SLIT2: variants seen among roughly 807,000 people sequenced by gnomAD.
SLIT2 encodes the protein slit homolog 2 protein.
In SLIT2, 41 loss-of-function variants were observed where a neutral mutation model predicts 185.7. The ratio of observed to expected loss-of-function variants is 0.22; its 90% CI spans 0.17 to 0.29. The LOEUF (loss-of-function observed/expected upper bound fraction) is 0.29, where lower values mean the gene tolerates loss of function less well. Ranked by LOEUF, SLIT2 falls within the 10% of genes least tolerant of loss-of-function variation. The pLI is 1.00. For synonymous variants in SLIT2, 693 were observed against 680.2 expected (o/e 1.02, Z -0.29); for missense variants, 1,571 against 1,909.0 (o/e 0.82, Z 3.30).
chr4:20,309,142 CTGT>C (rs1311013873), intron 4 of SLIT2, among the ~76,000 whole-genome samples: 1 of 151,920 alleles, frequency 6.6e-6, no homozygotes, highest in Non-Finnish European at 1.5e-5. Flanking sequence ...GATACTGTTC[CTGT>C]TGTTGAAATA....
At chr4:20,514,088 A>C (rs1719984574) in intron 11 of SLIT2, among the ~76,000 whole-genome samples, 1 of 152,152 alleles carries the variant, frequency 6.6e-6, no homozygotes, top group Admixed American at 6.5e-5. Flanking sequence ...CAGGAGTTAA[A>C]ATCTTCCAGA....
intron 11 of SLIT2, among the ~76,000 whole-genome samples, chr4:20,518,083 G>GTATATATATATATACA (rs533312464): frequency 7.5e-6 from 1 of 132,700 alleles, no homozygotes; most frequent in East Asian, 2.2e-4. Flanking sequence ...ATATGTGTGT[G>GTATATATATATATACA]TATATATATA....
At chr4:20,443,732 A>G (rs991938144) in intron 4 of SLIT2, among the ~76,000 whole-genome samples, 3 of 152,120 alleles carry the variant, frequency 2.0e-5, no homozygotes, top group Non-Finnish European at 2.9e-5. Flanking sequence ...ATTATCCTGG[A>G]ATGTTTGAGC....
chr4:20,505,054 C>T lies in SLIT2; in HGVS notation c.915-5441C>T, dbSNP rs1246721427. Among the ~76,000 whole-genome samples the T allele has an allele frequency of 2.6e-5, 4 of 151,946 alleles. No individual in the cohort carries two copies. The East Asian group carries it at 7.7e-4, about 29-fold the overall frequency. ...GGGAGTCTACCATATATGCTGTAGACTTTTTATTATTTAATATATTGTGCT... is the reference window on the plus strand; with the variant it reads ...GGGAGTCTACCATATATGCTGTAGATTTTTTATTATTTAATATATTGTGCT... On this transcript the variant is annotated intron_variant, in intron 9 of 36. Coordinates refer to ENST00000504154, the MANE Select transcript of SLIT2 (RefSeq NM_004787.4).
chr4:20,261,078 C>CA (rs1712418567), intron 3 of SLIT2, among the ~76,000 whole-genome samples: 1 of 151,824 alleles, frequency 6.6e-6, no homozygotes, highest in Non-Finnish European at 1.5e-5. Flanking sequence ...TCTGTTTTGA[C>CA]AGTTTGTTTC....
At chr4:20,553,771 A>ATG (rs1723995721) in intron 25 of SLIT2, 34 bp from the exon 26 acceptor site, 2 of 1,496,304 alleles carry the variant, frequency 1.3e-6, no homozygotes, top group East Asian at 4.7e-5. Context: ...GTGTGTGTGT[A>ATG]TGTGTGTGTG....
At chr4:20,373,448 C>G (rs1238951193) in intron 4 of SLIT2, among the ~76,000 whole-genome samples, 2 of 151,930 alleles carry the variant, frequency 1.3e-5, no homozygotes, top group Non-Finnish European at 2.9e-5. Flanking sequence ...ACAAGTTTAA[C>G]TCATAAGTTT....
intron 4 of SLIT2, among the ~76,000 whole-genome samples, chr4:20,435,949 T>A (rs1269254690): frequency 6.6e-6 from 1 of 152,102 alleles, no homozygotes; most frequent in Non-Finnish European, 1.5e-5. Flanking sequence ...AATTAAAGAG[T>A]TGAATACAAG....
At chr4:20,443,057 A>G (rs1020355061) in intron 4 of SLIT2, among the ~76,000 whole-genome samples, 5 of 152,200 alleles carry the variant, frequency 3.3e-5, no homozygotes, top group Admixed American at 2.6e-4. Context: ...CTCATAGGTC[A>G]TATCATGCCT....
intron 4 of SLIT2, among the ~76,000 whole-genome samples, chr4:20,387,918 C>A (rs1725057997): frequency 1.3e-5 from 2 of 152,030 alleles, no homozygotes. Flanking sequence ...TTGTTTTAAG[C>A]CACTTCTACC....
chr4:20,514,312 TG>T (rs1389046766), intron 11 of SLIT2, among the ~76,000 whole-genome samples: 1 of 152,182 alleles, frequency 6.6e-6, no homozygotes, highest in Non-Finnish European at 1.5e-5. Context: ...AAAGGTGATA[TG>T]ATGCCAAGCA....
At chr4:20,262,711 A>G (rs1180607205) in intron 3 of SLIT2, among the ~76,000 whole-genome samples, 3 of 151,972 alleles carry the variant, frequency 2.0e-5, no homozygotes, top group African/African-American at 7.2e-5. Context: ...AAAAGATATA[A>G]TAGCCATTAT....
At chr4:20,309,498 C>T (rs1178528587) in intron 4 of SLIT2, among the ~76,000 whole-genome samples, 1 of 151,004 alleles carries the variant, frequency 6.6e-6, no homozygotes, top group Admixed American at 6.6e-5. Context: ...TTTCCTCTGT[C>T]TTCAAATATG....
Position 20,570,267 on chromosome 4 carries a change from C to T in SLIT2, c.3088+1263C>T, listed in dbSNP as rs116585788. ...CTTCTAGTAGTTGTCTATGGCCCTT[C>T]GACTGCTTAGTGGGTGGAATTTTAG... On this transcript the variant is annotated intron_variant, in intron 29 of 36. Transcript: ENST00000504154. Among the ~76,000 whole-genome samples, 1,156 of 152,074 alleles carry T rather than the reference C, an allele frequency of 7.6e-3. 12 individuals are homozygous for T. The highest frequency in any genetic ancestry group is 0.026 in the African/African-American group (1,076 of 41,508).
At chr4:20,533,768 T>C in intron 18 of SLIT2, 53 bp downstream of exon 18, 1 of 1,530,648 alleles carries the variant, frequency 6.5e-7, no homozygotes, top group Non-Finnish European at 8.9e-7. Flanking sequence ...TGCAGCTCAT[T>C]GTTCATTATA....
intron 29 of SLIT2, among the ~76,000 whole-genome samples, chr4:20,586,482 C>G (rs567334907): frequency 7.2e-5 from 11 of 152,262 alleles, no homozygotes; most frequent in Admixed American, 5.9e-4. Context: ...GAATTCTACT[C>G]TTAGTGATTT....
chr4:20,266,751 A>C (rs1423335213), intron 3 of SLIT2, among the ~76,000 whole-genome samples: 1 of 151,982 alleles, frequency 6.6e-6, no homozygotes, highest in Non-Finnish European at 1.5e-5. Flanking sequence ...CAGTACATGA[A>C]TAAATATTAC....
chr4:20,535,589 A>G (rs1336868541), intron 18 of SLIT2, among the ~76,000 whole-genome samples: 2 of 152,056 alleles, frequency 1.3e-5, no homozygotes, highest in Non-Finnish European at 2.9e-5. Flanking sequence ...GATTGCTTAC[A>G]CAACAGAAAC....
At chr4:20,549,472 A>G (rs571311548) in intron 24 of SLIT2, among the ~76,000 whole-genome samples, 2 of 152,240 alleles carry the variant, frequency 1.3e-5, no homozygotes, top group South Asian at 4.1e-4. Flanking sequence ...GAAATTACAT[A>G]GTATATGAAA....
Sources: gnomAD v4.1 joint callset for allele counts (sites outside exome capture counted in the v4.1 genomes callset) on GRCh38, gnomAD v4.1.1 for gene constraint, MANE v1.5 for transcripts, NCBI Gene and HGNC (gene_info 2026-07-23, HGNC 2026-07-21) for gene names.